The following RSRC1 variants were observed in gnomAD, a reference collection of about 807,000 sequenced individuals.
The protein encoded by RSRC1 is arginine and serine rich coiled-coil 1, also known as serine/Arginine-related protein 53.
In RSRC1, 39 loss-of-function variants were observed where a neutral mutation model predicts 49.1. The ratio of observed to expected loss-of-function variants is 0.79; its 90% CI spans 0.61 to 1.04. The LOEUF (loss-of-function observed/expected upper bound fraction) is 1.04, where lower values mean the gene tolerates loss of function less well. Ranked by LOEUF, RSRC1 falls within the 50% of genes least tolerant of loss-of-function variation. RSRC1 has a pLI of 0.00. For synonymous variants in RSRC1, 143 were observed against 130.8 expected (o/e 1.09, Z -0.63); for missense variants, 388 against 402.4 (o/e 0.96, Z 0.31).
intron 3 of RSRC1, among the ~76,000 whole-genome samples, chr3:158,169,507 T>G (rs1224696585): frequency 6.6e-6 from 1 of 152,156 alleles, no homozygotes; most frequent in Non-Finnish European, 1.5e-5. Context: ...AATAAAGCTC[T>G]TTCTACTTTC....
intron 4 of RSRC1, among the ~76,000 whole-genome samples, chr3:158,275,449 G>A (rs1217299629): frequency 6.6e-6 from 1 of 152,190 alleles, no homozygotes. Flanking sequence ...AACCAGCAGA[G>A]CATTGCCATC....
intron 5 of RSRC1, among the ~76,000 whole-genome samples, chr3:158,331,511 A>G (rs1729544029): frequency 6.6e-6 from 1 of 152,028 alleles, no homozygotes; most frequent in Non-Finnish European, 1.5e-5. Flanking sequence ...AAAATTGAAT[A>G]TTTTTATGTA....
chr3:158,134,039 T>C (rs1025457865), intron 3 of RSRC1, among the ~76,000 whole-genome samples: 1 of 152,158 alleles, frequency 6.6e-6, no homozygotes, highest in Admixed American at 6.5e-5. Flanking sequence ...CAAGCATGCA[T>C]GATATTGAAT....
At chr3:158,467,571 G>A (rs1421632130) in intron 7 of RSRC1, among the ~76,000 whole-genome samples, 1 of 152,126 alleles carries the variant, frequency 6.6e-6, no homozygotes, top group East Asian at 1.9e-4. Context: ...TGCACCTTTA[G>A]GGATGCCGAA....
At chr3:158,217,106 C>T (rs1721984189) in intron 4 of RSRC1, among the ~76,000 whole-genome samples, 1 of 151,360 alleles carries the variant, frequency 6.6e-6, no homozygotes, top group Non-Finnish European at 1.5e-5. Context: ...ATGAGTGCTC[C>T]CCACCAAGAG....
chr3:158,464,320 C>G (rs984986406), intron 7 of RSRC1, among the ~76,000 whole-genome samples: 1 of 152,076 alleles, frequency 6.6e-6, no homozygotes, highest in Non-Finnish European at 1.5e-5. Flanking sequence ...GCATAGTAGT[C>G]TTTCTTTGCA....
chr3:158,451,894 C>T (rs1199828038), intron 6 of RSRC1, among the ~76,000 whole-genome samples: 1 of 151,776 alleles, frequency 6.6e-6, no homozygotes, highest in Non-Finnish European at 1.5e-5. Context: ...TTCCCCAGTC[C>T]CAAAGGCTCA....
chr3:158,355,953 C>A (rs1488381517), intron 6 of RSRC1, among the ~76,000 whole-genome samples: 1 of 151,454 alleles, frequency 6.6e-6, no homozygotes, highest in Non-Finnish European at 1.5e-5. Context: ...TACATACATA[C>A]CTATGATAAA....
intron 6 of RSRC1, among the ~76,000 whole-genome samples, chr3:158,441,668 A>T (rs1030423913): frequency 6.6e-6 from 1 of 152,178 alleles, no homozygotes; most frequent in Non-Finnish European, 1.5e-5. Context: ...CTTGTTAAAA[A>T]TGCAAAATCT....
In RSRC1 at chr3:158,544,286, T is replaced by TA; in HGVS notation, c.*12dup. 1.3e-6 allele frequency: 2 copies of TA among 1,516,220 alleles called. No homozygotes were observed. Among genetic ancestry groups the TA allele is most frequent in the Non-Finnish European group, 1.8e-6 (2 of 1,103,608 alleles). The allele number at this position is 1,516,220 out of a possible 1,614,324, so 93.9% of individuals were successfully genotyped here. A position where few individuals can be genotyped will look rare whatever the true frequency, so the allele number is the denominator to read the frequency against. ...AGTCCTGTGGCCTAAGTAATATACA[T>TA]ATAGTTGGATTGGATTGTCAGCAGT... On this transcript the variant is annotated 3_prime_UTR_variant, in exon 10 of 10. Coordinates refer to ENST00000611884, the MANE Select transcript of RSRC1 (RefSeq NM_001271838.2).
intron 7 of RSRC1, among the ~76,000 whole-genome samples, chr3:158,505,210 A>T (rs1186975815): frequency 6.6e-6 from 1 of 152,170 alleles, no homozygotes; most frequent in Non-Finnish European, 1.5e-5. Context: ...TATGACTTTC[A>T]TAGGTACTGC....
chr3:158,427,135 A>G (rs73028775), intron 6 of RSRC1, among the ~76,000 whole-genome samples: 11,337 of 151,642 alleles, frequency 0.075, 1,463 homozygotes, highest in African/African-American at 0.26. Flanking sequence ...CTATTCCTAC[A>G]CAATGCAGCC....
chr3:158,460,052 CTAT>C (rs983731615), intron 6 of RSRC1, among the ~76,000 whole-genome samples: 6 of 151,934 alleles, frequency 3.9e-5, no homozygotes, highest in Non-Finnish European at 5.9e-5. Context: ...GTTTACATTG[CTAT>C]TATTATTATA....
intron 3 of RSRC1, among the ~76,000 whole-genome samples, chr3:158,128,690 C>T (rs1276905459): frequency 6.6e-6 from 1 of 152,090 alleles, no homozygotes; most frequent in Non-Finnish European, 1.5e-5. Flanking sequence ...TTTCTCATAA[C>T]GTTCTTTTTC....
At chr3:158,191,625 T>C (rs1720250357) in intron 3 of RSRC1, among the ~76,000 whole-genome samples, 1 of 152,056 alleles carries the variant, frequency 6.6e-6, no homozygotes, top group Non-Finnish European at 1.5e-5. Flanking sequence ...ATATTGGGTG[T>C]TCTAGAGTGC....
At chr3:158,519,229 T>C (rs1233282917) in intron 7 of RSRC1, among the ~76,000 whole-genome samples, 2 of 152,174 alleles carry the variant, frequency 1.3e-5, no homozygotes, top group African/African-American at 4.8e-5. Flanking sequence ...TCTCCTGTGC[T>C]AACCCTGGTC....
chr3:158,183,737 T>A (rs1446048650), intron 3 of RSRC1, among the ~76,000 whole-genome samples: 1 of 151,872 alleles, frequency 6.6e-6, no homozygotes, highest in Non-Finnish European at 1.5e-5. Context: ...GGCAGCATAG[T>A]GAGACCCCAT....
intron 7 of RSRC1, among the ~76,000 whole-genome samples, chr3:158,482,086 T>C (rs1034741194): frequency 3.3e-5 from 5 of 152,056 alleles, no homozygotes; most frequent in Admixed American, 6.6e-5. Flanking sequence ...GATTTATTGT[T>C]TGAATGTACT....
intron 4 of RSRC1, among the ~76,000 whole-genome samples, chr3:158,287,172 G>A (rs529926001): frequency 6.6e-6 from 1 of 152,064 alleles, no homozygotes; most frequent in African/African-American, 2.4e-5. Context: ...ATATATTTAT[G>A]ACCTTCTATT....
Sources: gnomAD v4.1 joint callset for allele counts (sites outside exome capture counted in the v4.1 genomes callset) on GRCh38, gnomAD v4.1.1 for gene constraint, MANE v1.5 for transcripts, NCBI Gene and HGNC (gene_info 2026-07-23, HGNC 2026-07-21) for gene names.